UVRAG: variants seen among roughly 807,000 people sequenced by gnomAD.
UVRAG encodes UV radiation resistance associated.
A neutral mutation model predicts 78.0 loss-of-function variants in UVRAG; 19 were observed. That is an observed-to-expected ratio of 0.24 (90% confidence interval 0.17 to 0.36). UVRAG has a LOEUF of 0.36. Among genes scored for constraint, UVRAG ranks in the 10% least tolerant of loss-of-function variants. The pLI is 1.00. For synonymous variants in UVRAG, 323 were observed against 324.6 expected, an observed-to-expected ratio of 1.00 and a Z score of 0.05; for missense variants, 740 against 853.8, an observed-to-expected ratio of 0.87 and a Z score of 1.66.
chr11:76,002,739 C>G (rs1452723554), intron 8 of UVRAG, among the ~76,000 whole-genome samples: 2 of 152,070 alleles, frequency 1.3e-5, no homozygotes, highest in Non-Finnish European at 2.9e-5. Context: ...TCCCAACTTA[C>G]TGGTCTTCAT....
chr11:75,859,276 T>G (rs1946365108), intron 2 of UVRAG, among the ~76,000 whole-genome samples: 1 of 151,472 alleles, frequency 6.6e-6, no homozygotes, highest in African/African-American at 2.4e-5. Flanking sequence ...CTCAGGAGGT[T>G]GGGGCTGGAG....
chr11:75,909,097 C>T (rs1369333445), intron 5 of UVRAG, among the ~76,000 whole-genome samples: 1 of 152,006 alleles, frequency 6.6e-6, no homozygotes, highest in African/African-American at 2.4e-5. Flanking sequence ...CCTGTAATCC[C>T]AGCACTTTGG....
At chr11:76,064,557 T>C (rs1334799286) in intron 12 of UVRAG, among the ~76,000 whole-genome samples, 1 of 152,210 alleles carries the variant, frequency 6.6e-6, no homozygotes, top group African/African-American at 2.4e-5. Context: ...GCATTTGGTG[T>C]TCCTTTAGTA....
chr11:75,849,203 T>C (rs982051050), intron 1 of UVRAG, among the ~76,000 whole-genome samples: 2 of 142,438 alleles, frequency 1.4e-5, no homozygotes, highest in African/African-American at 5.2e-5. Context: ...AATGTTGAGA[T>C]AAAGAAATGA....
At chr11:76,040,938 GT>G (rs1565132768) in intron 12 of UVRAG, among the ~76,000 whole-genome samples, 1 of 152,126 alleles carries the variant, frequency 6.6e-6, no homozygotes, top group Non-Finnish European at 1.5e-5. Context: ...TTTGGTTGAA[GT>G]TACTTGACAA....
chr11:75,827,297 TG>T (rs1565332894), intron 1 of UVRAG, among the ~76,000 whole-genome samples: 2 of 152,054 alleles, frequency 1.3e-5, no homozygotes, highest in Non-Finnish European at 2.9e-5. Flanking sequence ...GTAATTCGTG[TG>T]TTCATATTAG....
At chr11:76,024,930 TTAATG>T (rs1399431275) in intron 12 of UVRAG, among the ~76,000 whole-genome samples, 1 of 152,178 alleles carries the variant, frequency 6.6e-6, no homozygotes, top group Non-Finnish European at 1.5e-5. Context: ...TAAATTATAA[TTAATG>T]TAATGGCCCT....
At chr11:76,085,560 A>G (rs1278452670) in intron 13 of UVRAG, among the ~76,000 whole-genome samples, 1 of 152,232 alleles carries the variant, frequency 6.6e-6, no homozygotes, top group African/African-American at 2.4e-5. Context: ...CAGGGCATTT[A>G]TTTATATTCT....
intron 6 of UVRAG, among the ~76,000 whole-genome samples, chr11:75,942,723 T>C (rs1948509834): frequency 6.6e-6 from 1 of 152,124 alleles, no homozygotes; most frequent in Non-Finnish European, 1.5e-5. Flanking sequence ...CAGGAGGGGA[T>C]ACAAAGGAAG....
intron 13 of UVRAG, among the ~76,000 whole-genome samples, chr11:76,094,110 G>A (rs1453734015): frequency 1.3e-5 from 2 of 152,200 alleles, no homozygotes; most frequent in African/African-American, 2.4e-5. Context: ...CATCTATTGA[G>A]ATAATCATGT....
At position 75,866,445 on chromosome 11, in the gene UVRAG, G is replaced by A. The variant is rs146316547; in HGVS notation, c.270+4665G>A. Among the ~76,000 whole-genome samples the A allele has an allele frequency of 5.0e-3, 759 of 152,166 alleles. 7 individuals are homozygous for A. Among genetic ancestry groups the A allele is most frequent in the African/African-American group, 0.017 (715 of 41,480 alleles). ...ACGTGTAGTTCCCTGCTAGCTGGGA[G>A]GCTGAGGCAGGGGGATCCCTTGAGC... is the stretch of plus-strand genomic sequence containing the variant. On this transcript the variant is annotated intron_variant, in intron 3 of 14. Transcript: ENST00000356136.
At chr11:75,978,560 T>C (rs1949308749) in intron 7 of UVRAG, among the ~76,000 whole-genome samples, 1 of 152,190 alleles carries the variant, frequency 6.6e-6, no homozygotes, top group Non-Finnish European at 1.5e-5. Context: ...GGAGGCTTTG[T>C]TCATTTCTTT....
intron 5 of UVRAG, among the ~76,000 whole-genome samples, chr11:75,898,158 T>C (rs1045160240): frequency 4.6e-5 from 7 of 152,180 alleles, no homozygotes; most frequent in Non-Finnish European, 7.4e-5. Context: ...CGTGAGCCAC[T>C]GCGCCTGGCC....
At chr11:75,958,011 A>G (rs1166453459) in intron 6 of UVRAG, among the ~76,000 whole-genome samples, 1 of 152,226 alleles carries the variant, frequency 6.6e-6, no homozygotes, top group Non-Finnish European at 1.5e-5. Flanking sequence ...TAAGTGTGAA[A>G]TAGCATTATG....
intron 4 of UVRAG, among the ~76,000 whole-genome samples, chr11:75,885,198 C>A (rs907437679): frequency 6.6e-6 from 1 of 151,638 alleles, no homozygotes; most frequent in Non-Finnish European, 1.5e-5. Flanking sequence ...TATTCTACAC[C>A]CTTGCTAAAC....
intron 6 of UVRAG, among the ~76,000 whole-genome samples, chr11:75,913,795 T>C (rs1439854103): frequency 1.3e-5 from 2 of 152,238 alleles, no homozygotes; most frequent in Non-Finnish European, 2.9e-5. Context: ...GCATAATGAC[T>C]GTGGACATTC....
intron 3 of UVRAG, among the ~76,000 whole-genome samples, chr11:75,876,795 T>C (rs1703201801): frequency 6.6e-6 from 1 of 150,450 alleles, no homozygotes; most frequent in East Asian, 1.9e-4. Context: ...TGGTAATAGG[T>C]TGATTTTGTT....
chr11:76,045,226 A>G (rs1035368041), intron 12 of UVRAG, among the ~76,000 whole-genome samples: 3 of 152,234 alleles, frequency 2.0e-5, no homozygotes, highest in African/African-American at 7.2e-5. Context: ...TTGATTGTAC[A>G]TATAAGAACG....
At chr11:76,108,275 C>G (rs1952006338) in intron 13 of UVRAG, among the ~76,000 whole-genome samples, 1 of 152,082 alleles carries the variant, frequency 6.6e-6, no homozygotes, top group African/African-American at 2.4e-5. Context: ...AGAGGCTTTC[C>G]TGGCCTGGAA....
Sources: gnomAD v4.1 joint callset for allele counts (sites outside exome capture counted in the v4.1 genomes callset) on GRCh38, gnomAD v4.1.1 for gene constraint, MANE v1.5 for transcripts, NCBI Gene and HGNC (gene_info 2026-07-23, HGNC 2026-07-21) for gene names.